Variants in ETFBKMT observed in about 807,000 individuals in gnomAD.
ETFBKMT encodes the protein electron transfer flavoprotein beta subunit lysine methyltransferase.
In ETFBKMT, 13 loss-of-function variants were observed where a neutral mutation model predicts 18.3. That is an observed-to-expected ratio of 0.71 (90% CI 0.46 to 1.13). The LOEUF is 1.13. Ranked by LOEUF, ETFBKMT falls within the 50% of genes most tolerant of loss-of-function variation. The pLI is 0.00. For missense variants in ETFBKMT, 293 were observed against 306.2 expected (o/e 0.96, Z 0.32); for synonymous variants, 84 against 107.9 (o/e 0.78, Z 1.37).
rs760004357 is a variant in ETFBKMT at position 31,662,240 on chromosome 12, A to G, written c.287A>G (p.Tyr96Cys). ...WPHSDPYWAI[Y>C]WPGGQALSRY... ...CACAGTGATCCTTACTGGGCAATCT[A>G]CTGGCCAGGAGGCCAAGCCCTGTCT... The change falls in exon 2 of 4, where the codon TAC becomes TGC. Residue 96 changes from tyrosine (Y) to cysteine (C), a missense_variant. Coordinates refer to ENST00000357721, the MANE Select transcript of ETFBKMT (RefSeq NM_001135863.2). 4 of 1,614,170 alleles carry G rather than the reference A, an allele frequency of 2.5e-6. No homozygotes were observed. The Admixed American group carries it at 6.7e-5, about 27-fold the overall frequency.
intron 1 of ETFBKMT, among the ~76,000 whole-genome samples, chr12:31,652,361 G>A (rs1951025420): frequency 6.6e-6 from 1 of 152,110 alleles, no homozygotes; most frequent in Admixed American, 6.6e-5. Flanking sequence ...GCAGACAGTG[G>A]TATGGTCCCT....
chr12:31,663,273 A>G (rs1435339844), intron 2 of ETFBKMT, among the ~76,000 whole-genome samples: 1 of 152,006 alleles, frequency 6.6e-6, no homozygotes, highest in African/African-American at 2.4e-5. Context: ...TTGTATTTTT[A>G]GTAGAGATGG....
In ETFBKMT at chr12:31,666,225, T is replaced by C. The variant is rs762236390; in HGVS notation, c.445+8T>C. 5 of 1,599,796 alleles carry C rather than the reference T, an allele frequency of 3.1e-6. No individual in the cohort carries two copies. The highest frequency in any genetic ancestry group is 4.3e-6 in the Non-Finnish European group (5 of 1,176,198). Reference sequence around the variant, plus strand: ...CCAATGACATAGACCCTAGTAAGGATTCATATTTTAAAATATTTAAGGCTC... The same window carrying C: ...CCAATGACATAGACCCTAGTAAGGACTCATATTTTAAAATATTTAAGGCTC... On this transcript the variant is annotated splice_region_variant and intron_variant, in intron 3 of 3. Transcript: ENST00000357721.
intron 1 of ETFBKMT, among the ~76,000 whole-genome samples, chr12:31,648,369 T>G (rs923769439): frequency 2.0e-5 from 3 of 150,214 alleles, no homozygotes; most frequent in East Asian, 3.9e-4. Context: ...AGTTTTTTTT[T>G]TTTTTTTTTT....
upstream of ETFBKMT, among the ~76,000 whole-genome samples, chr12:31,656,179 A>G (rs1951060476): frequency 6.6e-6 from 1 of 152,116 alleles, no homozygotes; most frequent in East Asian, 1.9e-4. Context: ...GTACATGCCC[A>G]TAGGAAGCTA....
chr12:31,664,762 T>G (rs1177341621), intron 2 of ETFBKMT, among the ~76,000 whole-genome samples: 2 of 149,186 alleles, frequency 1.3e-5, no homozygotes, highest in African/African-American at 4.9e-5. Context: ...ATTACAGGCA[T>G]GTACCACCAC....
At chr12:31,650,632 T>TC (rs929212439) in intron 1 of ETFBKMT, among the ~76,000 whole-genome samples, 1 of 151,208 alleles carries the variant, frequency 6.6e-6, no homozygotes, top group Non-Finnish European at 1.5e-5. Flanking sequence ...CTGACCTTTT[T>TC]TTTTTTTTTT....
chr12:31,648,850 C>G (rs1411469847), intron 1 of ETFBKMT, among the ~76,000 whole-genome samples: 1 of 151,984 alleles, frequency 6.6e-6, no homozygotes, highest in South Asian at 2.1e-4. Context: ...CGTGAGCCAC[C>G]GCGCCCAGCC....
upstream of ETFBKMT, among the ~76,000 whole-genome samples, chr12:31,654,412 G>T (rs1212130767): frequency 6.6e-6 from 1 of 152,202 alleles, no homozygotes; most frequent in East Asian, 1.9e-4. Flanking sequence ...TCTAGCCATT[G>T]CACTCCTAGG....
At chr12:31,656,993 T>C (rs1951067565), upstream of ETFBKMT, among the ~76,000 whole-genome samples, 1 of 152,226 alleles carries the variant, frequency 6.6e-6, no homozygotes, top group Non-Finnish European at 1.5e-5. Context: ...GCTTTTATCT[T>C]ATTAAATCTT....
intron 2 of ETFBKMT, among the ~76,000 whole-genome samples, chr12:31,664,616 C>CT (rs59300091): frequency 0.087 from 11,545 of 132,968 alleles, 668 homozygotes; most frequent in East Asian, 0.23. Context: ...CTTTTTCTTT[C>CT]TTTTTTTTTT....
chr12:31,648,247 C>T (rs1396204931), intron 1 of ETFBKMT, among the ~76,000 whole-genome samples: 1 of 152,016 alleles, frequency 6.6e-6, no homozygotes, highest in African/African-American at 2.4e-5. Flanking sequence ...GTTTCAGGAC[C>T]CCTGAGGATA....
intron 1 of ETFBKMT, among the ~76,000 whole-genome samples, chr12:31,653,174 A>G (rs1275503838): frequency 8.3e-5 from 12 of 144,098 alleles, no homozygotes; most frequent in African/African-American, 3.1e-4. Context: ...GTGCCACTGC[A>G]CTCCAGCCTG....
intron 3 of ETFBKMT, 139 bp downstream of exon 3, chr12:31,666,356 A>C: frequency 1.1e-6 from 1 of 917,704 alleles, no homozygotes; most frequent in Admixed American, 2.8e-5. Flanking sequence ...GCACTGGGAC[A>C]TTATCTGTAG....
At chr12:31,658,707 A>T (rs1951082917), upstream of ETFBKMT, among the ~76,000 whole-genome samples, 2 of 152,116 alleles carry the variant, frequency 1.3e-5, no homozygotes, top group South Asian at 2.1e-4. Context: ...GCAGGTTTTA[A>T]TTGTTGTCAG....
intron 1 of ETFBKMT, among the ~76,000 whole-genome samples, chr12:31,648,663 G>A (rs1334657854): frequency 1.4e-5 from 2 of 144,908 alleles, no homozygotes; most frequent in African/African-American, 2.5e-5. Context: ...CCGGGTTCTA[G>A]CCATTCTCCT....
At chr12:31,656,920 T>A (rs1429181489), upstream of ETFBKMT, among the ~76,000 whole-genome samples, 1 of 152,218 alleles carries the variant, frequency 6.6e-6, no homozygotes, top group African/African-American at 2.4e-5. Context: ...ATAATGATCA[T>A]CACTGTAATA....
chr12:31,658,847 G>T (rs990236664), upstream of ETFBKMT, among the ~76,000 whole-genome samples: 1 of 151,078 alleles, frequency 6.6e-6, no homozygotes, highest in Non-Finnish European at 1.5e-5. Flanking sequence ...GTGAATTTAT[G>T]AATTATTAGA....
intron 1 of ETFBKMT, among the ~76,000 whole-genome samples, chr12:31,651,307 C>CTTTTTTT (rs71062448): frequency 1.4e-5 from 2 of 144,620 alleles, no homozygotes; most frequent in Non-Finnish European, 1.5e-5. Flanking sequence ...GATGCCTTCC[C>CTTTTTTT]TTTTTTTTTT....
Sources: allele counts gnomAD v4.1 joint callset (sites outside exome capture counted in the v4.1 genomes callset), GRCh38; gene constraint gnomAD v4.1.1; transcripts MANE v1.5; gene names NCBI Gene and HGNC (gene_info 2026-07-23, HGNC 2026-07-21).